Variants in KHDRBS2 observed in about 807,000 individuals in gnomAD.
KHDRBS2 encodes the protein KH RNA binding domain containing, signal transduction associated 2.
A neutral mutation model predicts 44.3 loss-of-function variants in KHDRBS2; 26 were observed. That is an observed-to-expected ratio of 0.59 (90% CI 0.43 to 0.81). KHDRBS2 has a LOEUF of 0.81. KHDRBS2 is among the 40% of genes least tolerant of loss of function. The pLI is 0.00. For synonymous variants in KHDRBS2, 194 were observed against 151.1 expected, an observed-to-expected ratio of 1.28 and a Z score of -2.08; for missense variants, 476 against 433.1, an observed-to-expected ratio of 1.10 and a Z score of -0.88.
At chr6:62,003,333 C>T (rs1562620711) in intron 3 of KHDRBS2, among the ~76,000 whole-genome samples, 1 of 151,974 alleles carries the variant, frequency 6.6e-6, no homozygotes, top group Non-Finnish European at 1.5e-5. Context: ...TTTGTACCCA[C>T]ATAGATGGAT....
chr6:62,089,880 C>T lies in KHDRBS2; in HGVS notation c.220-41886G>A, dbSNP rs111935002. 8.5e-5 allele frequency among the ~76,000 whole-genome samples: 13 copies of T among 152,208 alleles called. 1 individual carries two copies. Among genetic ancestry groups the T allele is most frequent in the Admixed American group, 3.3e-4 (5 of 15,288 alleles). The stretch of plus-strand genomic sequence containing the variant: ...GGCTGAATAAAGATGTAGAGCCACT[C>T]TAGGTCTAAGAAAAACTTAGAATAA... On this transcript the variant is annotated intron_variant, in intron 2 of 8. Transcript: ENST00000281156.
chr6:61,722,862 A>C (rs572947092), intron 7 of KHDRBS2, among the ~76,000 whole-genome samples: 1 of 151,776 alleles, frequency 6.6e-6, no homozygotes, highest in Non-Finnish European at 1.5e-5. Flanking sequence ...AGCGCCCACC[A>C]CCATGCCTGG....
chr6:61,868,627 G>A (rs1798131924), intron 6 of KHDRBS2, among the ~76,000 whole-genome samples: 1 of 152,126 alleles, frequency 6.6e-6, no homozygotes, highest in Non-Finnish European at 1.5e-5. Context: ...CTGGGGGCAG[G>A]GGTCGGGGGA....
intron 6 of KHDRBS2, among the ~76,000 whole-genome samples, chr6:61,794,454 G>A (rs1582877200): frequency 6.6e-6 from 1 of 152,166 alleles, no homozygotes; most frequent in African/African-American, 2.4e-5. Context: ...AGCTACTGAA[G>A]CATTTGTACG....
chr6:61,696,474 G>T (rs188893067), intron 8 of KHDRBS2, among the ~76,000 whole-genome samples: 2 of 151,762 alleles, frequency 1.3e-5, no homozygotes, highest in Non-Finnish European at 2.9e-5. Flanking sequence ...GGCCAAGATG[G>T]TCTCACTCTC....
intron 6 of KHDRBS2, among the ~76,000 whole-genome samples, chr6:61,773,869 C>T (rs1401442641): frequency 6.7e-6 from 1 of 150,140 alleles, no homozygotes; most frequent in South Asian, 2.1e-4. Flanking sequence ...TATGGCTAGC[C>T]AGTTTTCCCA....
intron 6 of KHDRBS2, among the ~76,000 whole-genome samples, chr6:61,760,210 T>C (rs1039717108): frequency 2.6e-5 from 4 of 152,226 alleles, no homozygotes; most frequent in Non-Finnish European, 5.9e-5. Flanking sequence ...ATTGTTTTTC[T>C]AAAAACATTT....
chr6:62,047,617 GA>G (rs1353315907), intron 3 of KHDRBS2, among the ~76,000 whole-genome samples: 1 of 151,762 alleles, frequency 6.6e-6, no homozygotes, highest in East Asian at 1.9e-4. Context: ...CAGAAAAAGT[GA>G]AAAGATGTGA....
At chr6:62,110,360 C>A (rs1267717124) in intron 2 of KHDRBS2, among the ~76,000 whole-genome samples, 2 of 152,110 alleles carry the variant, frequency 1.3e-5, no homozygotes, top group Admixed American at 6.6e-5. Flanking sequence ...TGTACCCATA[C>A]AAAGACTTCT....
the KHDRBS2 span, among the ~76,000 whole-genome samples, chr6:61,593,480 T>TG: frequency 1.3e-5 from 2 of 151,264 alleles, no homozygotes; most frequent in Non-Finnish European, 3.0e-5. Context: ...ATAGGTTTTT[T>TG]TTTTTTTTTT....
rs73757903 is a variant in KHDRBS2 at position 61,786,521 on chromosome 6, G to T, written c.811-53757C>A. ...GCAAAGATCAAACAATCTGCTAAAG[G>T]AAACAAAGCTAAATTTATTTATGAT... On this transcript the variant is annotated intron_variant, in intron 6 of 8. Transcript: ENST00000281156. 3.2e-3 allele frequency among the ~76,000 whole-genome samples: 480 copies of T among 151,886 alleles called. 4 individuals carry two copies. Among genetic ancestry groups the T allele is most frequent in the African/African-American group, 0.011 (437 of 41,508 alleles).
chr6:61,847,534 G>T (rs1218655173), intron 6 of KHDRBS2, among the ~76,000 whole-genome samples: 1 of 152,050 alleles, frequency 6.6e-6, no homozygotes, highest in Admixed American at 6.6e-5. Flanking sequence ...ATGTATGTGT[G>T]ACAAACAGTC....
chr6:61,986,070 C>T (rs1775005316), intron 3 of KHDRBS2, among the ~76,000 whole-genome samples: 2 of 151,994 alleles, frequency 1.3e-5, no homozygotes, highest in Non-Finnish European at 2.9e-5. Context: ...GAATTAATAG[C>T]TCTGATATTT....
intron 7 of KHDRBS2, among the ~76,000 whole-genome samples, chr6:61,702,188 A>C (rs1305746305): frequency 6.6e-6 from 1 of 151,802 alleles, no homozygotes; most frequent in Non-Finnish European, 1.5e-5. Context: ...TCAAGACTAC[A>C]TTTTCTAGTC....
intron 7 of KHDRBS2, among the ~76,000 whole-genome samples, chr6:61,720,540 AT>A (rs1188701099): frequency 2.0e-5 from 3 of 151,846 alleles, no homozygotes; most frequent in Admixed American, 1.3e-4. Context: ...GATGGTGAAC[AT>A]TTTTTCATGT....
chr6:61,675,591 A>G (rs1243637141), downstream of KHDRBS2, among the ~76,000 whole-genome samples: 1 of 151,818 alleles, frequency 6.6e-6, no homozygotes, highest in Admixed American at 6.6e-5. Flanking sequence ...TAAATATTAC[A>G]TAGTGACCTC....
chr6:61,632,960 A>G, the KHDRBS2 span, among the ~76,000 whole-genome samples: 1 of 152,162 alleles, frequency 6.6e-6, no homozygotes, highest in Non-Finnish European at 1.5e-5. Flanking sequence ...TTAAAAAAAG[A>G]ACTGAGTAAA....
chr6:62,163,127 T>C (rs1401403158), intron 2 of KHDRBS2, among the ~76,000 whole-genome samples: 2 of 151,946 alleles, frequency 1.3e-5, no homozygotes, highest in Non-Finnish European at 1.5e-5. Context: ...TACTATTAAG[T>C]TGCGTGGAAG....
At chr6:62,202,682 T>C (rs1318589045) in intron 1 of KHDRBS2, among the ~76,000 whole-genome samples, 2 of 152,050 alleles carry the variant, frequency 1.3e-5, no homozygotes, top group Non-Finnish European at 1.5e-5. Flanking sequence ...AAGACAAATA[T>C]AAATCTATTA....
Sources: gnomAD v4.1 joint callset for allele counts (sites outside exome capture counted in the v4.1 genomes callset) on GRCh38, gnomAD v4.1.1 for gene constraint, MANE v1.5 for transcripts, NCBI Gene and HGNC (gene_info 2026-07-23, HGNC 2026-07-21) for gene names.